The following KDM5A variants were observed in gnomAD, a reference collection of about 807,000 sequenced individuals.
KDM5A encodes the protein lysine-specific demethylase 5A.
Under a neutral mutation model 193.5 loss-of-function variants are expected in KDM5A, and 42 were observed. The observed-to-expected ratio is 0.22, with a 90% CI of 0.17 to 0.28. The LOEUF is 0.28. Ranked by LOEUF, KDM5A falls within the 10% of genes least tolerant of loss-of-function variation. KDM5A has a pLI of 1.00. For synonymous variants in KDM5A, 796 were observed against 718.1 expected, an observed-to-expected ratio of 1.11 and a Z score of -1.73; for missense variants, 1,692 against 2,055.1, an observed-to-expected ratio of 0.82 and a Z score of 3.42.
At chr12:289,035 A>G (rs909966938) in intron 27 of KDM5A, among the ~76,000 whole-genome samples, 1 of 152,226 alleles carries the variant, frequency 6.6e-6, no homozygotes, top group Non-Finnish European at 1.5e-5. Flanking sequence ...GATTGAGGCA[A>G]CACCCCCATG....
chr12:369,444 G>C (rs1944398228), intron 3 of KDM5A, among the ~76,000 whole-genome samples: 1 of 152,144 alleles, frequency 6.6e-6, no homozygotes, highest in South Asian at 2.1e-4. Flanking sequence ...CATTCTAGTG[G>C]AGGAAGACAG....
Position 284,574 on chromosome 12 carries a change from G to A in KDM5A, c.*882C>T, listed in dbSNP as rs745786366. On this transcript the variant is annotated 3_prime_UTR_variant, in exon 28 of 28. Transcript: ENST00000399788. ...AATACTTGTGAATGAAGTTTTCCCCGAAAAGCATGCATCACTGTGGCTCAG... is the reference window on the plus strand; with the variant it reads ...AATACTTGTGAATGAAGTTTTCCCCAAAAAGCATGCATCACTGTGGCTCAG... The A allele has an allele frequency of 4.3e-6, 1 of 232,848 alleles. No individual in the cohort carries two copies. Among genetic ancestry groups the A allele is most frequent in the Non-Finnish European group, 8.5e-6 (1 of 117,602 alleles). 14.4% of individuals were successfully genotyped at this position (232,848 alleles called of 1,614,324 possible).
At chr12:367,686 A>G (rs1207964960) in intron 3 of KDM5A, among the ~76,000 whole-genome samples, 2 of 151,196 alleles carry the variant, frequency 1.3e-5, no homozygotes, top group South Asian at 2.1e-4. Flanking sequence ...TGGACAGTAG[A>G]GTGAGACTCC....
chr12:344,993 C>T (rs1296431713), intron 10 of KDM5A, among the ~76,000 whole-genome samples: 1 of 152,064 alleles, frequency 6.6e-6, no homozygotes, highest in African/African-American at 2.4e-5. Flanking sequence ...AGAGTCAAGA[C>T]CCATCAGTGT....
At chr12:360,347 T>G (rs1431262080) in intron 5 of KDM5A, among the ~76,000 whole-genome samples, 1 of 150,664 alleles carries the variant, frequency 6.6e-6, no homozygotes, top group African/African-American at 2.4e-5. Context: ...ATGAGACAGC[T>G]AAGGAGAGTG....
intron 15 of KDM5A, 28 bp from the exon 16 acceptor site, chr12:323,234 AAAAAAG>A: frequency 1.3e-6 from 2 of 1,500,908 alleles, no homozygotes; most frequent in Non-Finnish European, 1.8e-6. Flanking sequence ...AAAAAAAAAA[AAAAAAG>A]AAAACAGAAA....
intron 10 of KDM5A, among the ~76,000 whole-genome samples, chr12:343,682 T>C (rs1054112474): frequency 6.6e-6 from 1 of 152,168 alleles, no homozygotes; most frequent in African/African-American, 2.4e-5. Flanking sequence ...TCCTGACTGT[T>C]AGAAGGAAAA....
At chr12:316,798 G>A (rs991225165) in intron 19 of KDM5A, among the ~76,000 whole-genome samples, 1 of 152,168 alleles carries the variant, frequency 6.6e-6, no homozygotes, top group African/African-American at 2.4e-5. Flanking sequence ...AATATCCAGT[G>A]TACACAGAGG....
chr12:388,534 T>G, intron 1 of KDM5A: 1 of 362,136 alleles, frequency 2.8e-6, no homozygotes, highest in Non-Finnish European at 5.4e-6. Context: ...AGATGAGGCC[T>G]GCAAATATTT....
Position 295,647 on chromosome 12 carries a change from C to A in KDM5A, c.4381G>T (p.Glu1461Ter). ...VGDLLEVSLD[E>*]TQHIWRILQA... The stretch of plus-strand genomic sequence containing the variant: ...AAAATCCGCCATATGTGTTGAGTCT[C>A]GTCCAGAGATACTTCCAGGAGATCT... The change falls in exon 26 of 28, where the codon GAG becomes TAG. Residue 1461 changes from glutamate to a stop codon, truncating the protein, a stop_gained. Coordinates refer to ENST00000399788, the MANE Select transcript of KDM5A (RefSeq NM_001042603.3). LOFTEE classifies it high-confidence loss of function. 6.2e-7 allele frequency: 1 copy of A among 1,614,058 alleles called. No individual in the cohort carries two copies.
chr12:345,451 G>A (rs897295517), intron 10 of KDM5A, among the ~76,000 whole-genome samples: 7 of 152,032 alleles, frequency 4.6e-5, no homozygotes, highest in African/African-American at 1.7e-4. Context: ...CCACCCCAAA[G>A]CAACAGAATA....
chr12:385,782 C>T (rs1434507960), intron 2 of KDM5A, 115 bp downstream of exon 2: 2 of 799,110 alleles, frequency 2.5e-6, no homozygotes, highest in African/African-American at 1.7e-5. Context: ...CTATTCCATT[C>T]AATACCAATT....
At chr12:319,880 G>A (rs1005779148) in intron 18 of KDM5A, among the ~76,000 whole-genome samples, 1 of 152,172 alleles carries the variant, frequency 6.6e-6, no homozygotes, top group African/African-American at 2.4e-5. Context: ...CTGGAGATGT[G>A]GGATTGAATC....
intron 22 of KDM5A, 91 bp from the exon 23 acceptor site, chr12:308,096 G>T: frequency 7.2e-7 from 1 of 1,391,876 alleles, no homozygotes; most frequent in Non-Finnish European, 1.0e-6. Context: ...TTTCTCCCAA[G>T]TTATCAGTTA....
At chr12:377,229 A>T (rs914565282) in intron 3 of KDM5A, among the ~76,000 whole-genome samples, 1 of 152,224 alleles carries the variant, frequency 6.6e-6, no homozygotes, top group Non-Finnish European at 1.5e-5. Context: ...GAACTAAAAA[A>T]GCTATAGGTA....
chr12:298,789 G>A (rs1002608324), intron 24 of KDM5A, among the ~76,000 whole-genome samples: 3 of 152,034 alleles, frequency 2.0e-5, no homozygotes, highest in African/African-American at 7.2e-5. Context: ...ATACAAGGAA[G>A]CTAAGAACCT....
chr12:329,161 C>T, intron 13 of KDM5A, 132 bp from the exon 14 acceptor site: 1 of 768,958 alleles, frequency 1.3e-6, no homozygotes, highest in Non-Finnish European at 2.2e-6. Context: ...TATAAAGAGG[C>T]AATATTCTAT....
At chr12:365,893 T>A (rs1383719144) in intron 4 of KDM5A, 41 bp downstream of exon 4, 3 of 1,604,436 alleles carry the variant, frequency 1.9e-6, no homozygotes, top group East Asian at 2.2e-5. Flanking sequence ...TTGGGCAAAC[T>A]GGATTTATCA....
At chr12:366,415 G>C (rs1327172297) in intron 3 of KDM5A, among the ~76,000 whole-genome samples, 1 of 151,824 alleles carries the variant, frequency 6.6e-6, no homozygotes, top group Non-Finnish European at 1.5e-5. Context: ...CCTACTTAAG[G>C]AACTCACAAT....
Sources: allele counts gnomAD v4.1 joint callset (sites outside exome capture counted in the v4.1 genomes callset), GRCh38; gene constraint gnomAD v4.1.1; transcripts MANE v1.5; gene names NCBI Gene and HGNC (gene_info 2026-07-23, HGNC 2026-07-21).